The following USP40 variants were observed in gnomAD, a reference collection of about 807,000 sequenced individuals.
The protein encoded by USP40 is ubiquitin specific peptidase 40, also known as ubiquitin carboxyl-terminal hydrolase 40.
Under a neutral mutation model 166.2 loss-of-function variants are expected in USP40, and 143 were observed. The observed-to-expected ratio is 0.86, with a 90% CI of 0.75 to 0.99. The LOEUF (loss-of-function observed/expected upper bound fraction) is 0.99, where lower values mean the gene tolerates loss of function less well. Among genes scored for constraint, USP40 ranks in the 50% least tolerant of loss-of-function variants. USP40 has a pLI of 0.00. For missense variants in USP40, 1,444 were observed against 1,479.7 expected, an observed-to-expected ratio of 0.98 and a Z score of 0.40; for synonymous variants, 498 against 524.0, an observed-to-expected ratio of 0.95 and a Z score of 0.68.
chr2:233,525,612 A>G (rs752548153), intron 13 of USP40, 50 bp from the exon 14 acceptor site: 12 of 1,395,662 alleles, frequency 8.6e-6, no homozygotes, highest in Non-Finnish European at 1.2e-5. Flanking sequence ...TGACATATAC[A>G]TATCACCTTT....
At chr2:233,497,113 T>C (rs564880173) in intron 23 of USP40, among the ~76,000 whole-genome samples, 40 of 152,186 alleles carry the variant, frequency 2.6e-4, no homozygotes, top group Admixed American at 5.2e-4. Context: ...TTTTAATTAA[T>C]CCTAAAAAGA....
At chr2:233,479,445 A>C (rs1448935264) in intron 31 of USP40, among the ~76,000 whole-genome samples, 2 of 151,928 alleles carry the variant, frequency 1.3e-5, no homozygotes, top group African/African-American at 2.4e-5. Context: ...CGCCTGTAGT[A>C]CCAGCTACTT....
intron 15 of USP40, among the ~76,000 whole-genome samples, chr2:233,524,211 C>T (rs1164338339): frequency 3.3e-5 from 5 of 152,060 alleles, no homozygotes; most frequent in Non-Finnish European, 7.4e-5. Flanking sequence ...CTCACAGCAA[C>T]CTCCACTTTC....
At chr2:233,560,863 T>C (rs532345375) in intron 3 of USP40, 4 of 579,564 alleles carry the variant, frequency 6.9e-6, no homozygotes, top group South Asian at 5.1e-5. Flanking sequence ...AATAGACTTC[T>C]GGGGGAAGCT....
intron 7 of USP40, 113 bp downstream of exon 7, chr2:233,551,263 C>T (rs2070525923): frequency 6.8e-6 from 8 of 1,174,962 alleles, no homozygotes; most frequent in Admixed American, 3.1e-5. Flanking sequence ...CTGAAAATGT[C>T]AATGGTGCCA....
intron 13 of USP40, 63 bp from the exon 14 acceptor site, chr2:233,525,625 A>G: frequency 7.9e-7 from 1 of 1,273,548 alleles, no homozygotes; most frequent in Non-Finnish European, 1.1e-6. Flanking sequence ...TCACCTTTCC[A>G]GGTTACTGTG....
At position 233,477,453 on chromosome 2, in the gene USP40, G is replaced by A. The variant is rs375600870; in HGVS notation, c.3650C>T (p.Thr1217Met). Residue 1217 changes from threonine (T) to methionine (M), a missense_variant, in exon 32 of 32, where the codon ACG becomes ATG. Physicochemically the swap from Thr to Met is moderately conservative, Grantham distance 81 (BLOSUM62 -1). Coordinates refer to ENST00000678225, the MANE Select transcript of USP40 (RefSeq NM_001365479.2). ...TTCCGGGGCTCGGGGCCGGGCAGGCGTCTCTGCACTGGAGAGGATGTAGCT... is the reference window on the plus strand; with the variant it reads ...TTCCGGGGCTCGGGGCCGGGCAGGCATCTCTGCACTGGAGAGGATGTAGCT... Reference protein sequence around the residue: ...QSSYILSSAETPARPRAPETS... With the variant: ...QSSYILSSAEMPARPRAPETS... 1.9e-5 allele frequency: 31 copies of A among 1,613,644 alleles called. No individual in the cohort carries two copies. The highest frequency in any genetic ancestry group is 4.5e-5 in the East Asian group (2 of 44,886).
intron 11 of USP40, among the ~76,000 whole-genome samples, chr2:233,531,556 T>C (rs1249954197): frequency 6.6e-6 from 1 of 152,240 alleles, no homozygotes; most frequent in East Asian, 1.9e-4. Flanking sequence ...TATATTTCTA[T>C]AACTGTGAAT....
chr2:233,499,154 C>A (rs1445524912), intron 22 of USP40, among the ~76,000 whole-genome samples: 1 of 145,366 alleles, frequency 6.9e-6, no homozygotes, highest in East Asian at 2.1e-4. Context: ...CCCTCCCCCA[C>A]TCCCACCCCC....
intron 30 of USP40, chr2:233,481,504 T>C: frequency 3.5e-6 from 2 of 569,286 alleles, no homozygotes; most frequent in Non-Finnish European, 6.2e-6. Flanking sequence ...GGGAAATTAA[T>C]TTCCAGCCAT....
rs753663117 is a variant in USP40, at chr2:233,524,548, G to A, written c.1825C>T (p.Leu609=). 1.2e-6 allele frequency: 2 copies of A among 1,602,600 alleles called. No homozygotes were observed. Among genetic ancestry groups the A allele is most frequent in the East Asian group, 2.3e-5 (1 of 43,980 alleles). ...YQSLGGDELT[L]CETEIADGED... is the part of the protein sequence containing the mutation. The stretch of plus-strand genomic sequence containing the variant: ...CCATCAGCAATTTCAGTTTCACACA[G>A]TGTCAGTTCATCCCCTAGAAAGAGA... The change falls in exon 15 of 32, where the codon CTG becomes TTG. Residue 609 remains leucine, a synonymous_variant. Transcript: ENST00000678225.
At chr2:233,545,594 G>C (rs2069840651) in intron 8 of USP40, 1 of 152,702 alleles carries the variant, frequency 6.5e-6, no homozygotes, top group Non-Finnish European at 1.5e-5. Flanking sequence ...TTTGCAGTTA[G>C]TGGCCTCCAT....
At chr2:233,547,227 A>G (rs539467870) in intron 8 of USP40, among the ~76,000 whole-genome samples, 8 of 152,228 alleles carry the variant, frequency 5.3e-5, no homozygotes, top group Admixed American at 1.3e-4. Flanking sequence ...TCAACATACT[A>G]AAGAAAGTTA....
At chr2:233,513,706 G>C (rs2066985986) in intron 18 of USP40, among the ~76,000 whole-genome samples, 1 of 152,182 alleles carries the variant, frequency 6.6e-6, no homozygotes. Context: ...GTGATTTTAT[G>C]CTTATTAAAT....
Position 233,489,433 on chromosome 2 carries a change from G to A in USP40, c.3063C>T (p.His1021=). 6.2e-7 allele frequency: 1 copy of A among 1,607,802 alleles called. No homozygotes were observed. Among genetic ancestry groups the A allele is most frequent in the Non-Finnish European group, 8.5e-7 (1 of 1,177,284 alleles). The change falls in exon 27 of 32, where the codon CAC becomes CAT. Residue 1021 remains histidine, a synonymous_variant. Coordinates refer to ENST00000678225, the MANE Select transcript of USP40 (RefSeq NM_001365479.2). Reference sequence around the variant, plus strand: ...TCCTCTCCACCGTCCAGGCTCTGAGGTGGGCTGGGGACGGGACACCGAACT... The same window carrying A: ...TCCTCTCCACCGTCCAGGCTCTGAGATGGGCTGGGGACGGGACACCGAACT... ...FLEFGVPSPA[H]LRAWTVERKR...
rs1050064978 is a variant in USP40 at position 233,480,265 on chromosome 2, A to G, written c.3599+938T>C. Among the ~76,000 whole-genome samples, 3 of 152,046 alleles carry G rather than the reference A, an allele frequency of 2.0e-5. No individual in the cohort carries two copies. Among genetic ancestry groups the G allele is most frequent in the Non-Finnish European group, 4.4e-5 (3 of 67,968 alleles). The stretch of plus-strand genomic sequence containing the variant: ...GTGAGCGGGGCCAGATCAGGCTCCT[A>G]CAGTCATTTGGGCAGGGAAAGATGA... On this transcript the variant is annotated intron_variant, in intron 31 of 31. Transcript: ENST00000678225. The surrounding 1 kb of genome is among the most constrained non-coding windows in gnomAD (Gnocchi z 4.5).
chr2:233,491,182 C>T lies in USP40; in HGVS notation c.2997G>A (p.Ala999=), dbSNP rs746835324. 2.9e-5 allele frequency: 46 copies of T among 1,608,954 alleles called. No individual in the cohort carries two copies. Among genetic ancestry groups the T allele is most frequent in the South Asian group, 2.7e-4 (24 of 89,498 alleles). The part of the protein sequence containing the change: ...DIEISEDATL[A]ELKSQAMTLP... ...GAAGTCTGACCTGAGACTTCAGCTC[C>T]GCCAGCGTGGCATCTTCTGAGATCT... The change falls in exon 26 of 32, where the codon GCG becomes GCA. Residue 999 remains alanine, a synonymous_variant. Transcript: ENST00000678225.
At position 233,523,450 on chromosome 2, in the gene USP40, GT is replaced by G; in HGVS notation, c.1920del (p.Glu640AspfsTer5). On this transcript the variant is annotated frameshift_variant, in exon 16 of 32. Coordinates refer to ENST00000678225, the MANE Select transcript of USP40 (RefSeq NM_001365479.2). LOFTEE classifies it high-confidence loss of function. ...GVHIQTGIDC[E>X]PLLLNVLHLD... Reference sequence around the variant, plus strand: ...AGATGAAGAACATTTAAAAGTAGAGGTTCGCAGTCAATACCAGTTTGAATGT... The same window carrying G: ...AGATGAAGAACATTTAAAAGTAGAGGTCGCAGTCAATACCAGTTTGAATGT... 1 of 1,613,914 alleles carries G rather than the reference GT, an allele frequency of 6.2e-7. No individual in the cohort carries two copies.
intron 10 of USP40, among the ~76,000 whole-genome samples, chr2:233,534,562 T>A (rs1236693668): frequency 6.6e-6 from 1 of 152,192 alleles, no homozygotes; most frequent in African/African-American, 2.4e-5. Flanking sequence ...GGAAAGAAAG[T>A]AATTTGTGGT....
Sources: allele counts gnomAD v4.1 joint callset (sites outside exome capture counted in the v4.1 genomes callset), GRCh38; gene constraint gnomAD v4.1.1; non-coding constraint Gnocchi (gnomAD v3.1); transcripts MANE v1.5; gene names NCBI Gene and HGNC (gene_info 2026-07-23, HGNC 2026-07-21).